Variants in TAFA2 observed in about 807,000 individuals in gnomAD.
TAFA2 encodes chemokine-like protein TAFA-2.
Under a neutral mutation model 18.8 loss-of-function variants are expected in TAFA2, and 7 were observed. That is an observed-to-expected ratio of 0.37 (90% CI 0.21 to 0.70). The LOEUF is 0.70. Ranked by LOEUF, TAFA2 falls within the 30% of genes least tolerant of loss-of-function variation. The pLI is 0.53. For synonymous variants in TAFA2, 60 were observed against 54.2 expected (o/e 1.11, Z -0.47); for missense variants, 122 against 158.1 (o/e 0.77, Z 1.23).
intron 1 of TAFA2, among the ~76,000 whole-genome samples, chr12:62,010,357 C>G (rs1880695819): frequency 6.6e-6 from 1 of 152,086 alleles, no homozygotes; most frequent in African/African-American, 2.4e-5. Flanking sequence ...AGGGTTTTGC[C>G]CTGTTGACCG....
intron 4 of TAFA2, 23 bp downstream of exon 4, chr12:61,753,599 T>C: frequency 6.2e-7 from 1 of 1,603,446 alleles, no homozygotes; most frequent in Middle Eastern, 1.7e-4. Context: ...CATTCTGTTT[T>C]CCCAAGCTTG....
intron 1 of TAFA2, among the ~76,000 whole-genome samples, chr12:62,110,616 T>C (rs926397470): frequency 6.7e-6 from 1 of 148,804 alleles, no homozygotes; most frequent in Non-Finnish European, 1.5e-5. Flanking sequence ...CCTGGGCTTT[T>C]TTTTTTTTTT....
At chr12:62,134,161 C>T (rs756566956) in intron 1 of TAFA2, among the ~76,000 whole-genome samples, 4 of 151,892 alleles carry the variant, frequency 2.6e-5, no homozygotes, top group Non-Finnish European at 5.9e-5. Flanking sequence ...GCTTCCTCCA[C>T]CAAGTCATCC....
At chr12:62,195,259 T>C (rs184302777), upstream of TAFA2, among the ~76,000 whole-genome samples, 1 of 152,334 alleles carries the variant, frequency 6.6e-6, no homozygotes, top group Admixed American at 6.5e-5. Flanking sequence ...ATCAGTCAGG[T>C]TTATAAAATA....
chr12:61,867,214 C>A (rs1393708836), intron 2 of TAFA2, 106 bp downstream of exon 2: 8 of 721,652 alleles, frequency 1.1e-5, no homozygotes, highest in Non-Finnish European at 1.9e-5. Context: ...GGGGGAGAAT[C>A]TATACCTAGT....
intron 1 of TAFA2, among the ~76,000 whole-genome samples, chr12:62,100,996 T>C (rs2028727): frequency 0.12 from 17,676 of 152,210 alleles, 1,141 homozygotes; most frequent in Non-Finnish European, 0.14. Context: ...AGAATAATGT[T>C]GAGTTTTGAT....
intron 1 of TAFA2, among the ~76,000 whole-genome samples, chr12:62,056,786 A>T (rs1882198247): frequency 6.6e-6 from 1 of 152,246 alleles, no homozygotes; most frequent in South Asian, 2.1e-4. Context: ...CACACCAACT[A>T]CTGCATTCAC....
chr12:62,168,973 T>C (rs76209657), intron 1 of TAFA2, among the ~76,000 whole-genome samples: 22 of 89,780 alleles, frequency 2.5e-4, no homozygotes, highest in Non-Finnish European at 4.3e-4. Context: ...CACACACACA[T>C]ATTTTTAAAA....
chr12:62,162,801 G>A (rs1164551978), intron 1 of TAFA2, among the ~76,000 whole-genome samples: 1 of 151,960 alleles, frequency 6.6e-6, no homozygotes, highest in Admixed American at 6.6e-5. Context: ...TCAATTAAAA[G>A]AACTCTATAT....
In TAFA2 at chr12:61,719,279, C is replaced by G. The variant is rs74838429; in HGVS notation, c.385-8862G>C. Among the ~76,000 whole-genome samples the G allele has an allele frequency of 5.4e-3, 823 of 152,266 alleles. 8 individuals carry two copies. The highest frequency in any genetic ancestry group is 0.019 in the African/African-American group (787 of 41,554). On this transcript the variant is annotated intron_variant, in intron 4 of 4. Transcript: ENST00000416284. ...TCACCAGGGTAGGAGGATAGAGGAG[C>G]CTGAATTCTGCTAAGGCATAGACAT...
At chr12:61,869,960 C>T (rs888220833) in intron 1 of TAFA2, among the ~76,000 whole-genome samples, 12 of 152,148 alleles carry the variant, frequency 7.9e-5, no homozygotes, top group African/African-American at 2.7e-4. Flanking sequence ...TTCTCCTTAG[C>T]ACATGGCCTC....
intron 1 of TAFA2, among the ~76,000 whole-genome samples, chr12:62,049,214 C>T (rs564632023): frequency 3.9e-5 from 6 of 152,244 alleles, no homozygotes; most frequent in African/African-American, 1.4e-4. Context: ...CTTCTCCACC[C>T]TCCATGGCAC....
intron 1 of TAFA2, among the ~76,000 whole-genome samples, chr12:62,159,259 A>C (rs1010672850): frequency 6.6e-6 from 1 of 152,204 alleles, no homozygotes; most frequent in Non-Finnish European, 1.5e-5. Context: ...AAACAAACAC[A>C]AGTAACTAGC....
intron 1 of TAFA2, among the ~76,000 whole-genome samples, chr12:62,122,358 G>T (rs1870237018): frequency 1.3e-5 from 2 of 152,218 alleles, no homozygotes; most frequent in East Asian, 3.9e-4. Context: ...ATAACGAAAA[G>T]CCTAATGGAA....
In TAFA2 at chr12:61,776,016, C is replaced by T. The variant is rs374826246; in HGVS notation, c.107-20992G>A. 29 of 352,464 alleles carry T rather than the reference C, an allele frequency of 8.2e-5. No individual in the cohort carries two copies. In the East Asian group the frequency reaches 1.0e-3, roughly 12 times the overall value. The allele number at this position is 352,464 out of a possible 1,614,324, so 21.8% of individuals were successfully genotyped here. ...AGTTGTTCCTTTGACCACACACATG[C>T]GAATCTATAAGAAAGGTGATATTGT... is the stretch of plus-strand genomic sequence containing the variant. On this transcript the variant is annotated intron_variant, in intron 2 of 4. Coordinates refer to ENST00000416284, the MANE Select transcript of TAFA2 (RefSeq NM_178539.5).
At chr12:61,872,197 G>C (rs967330590) in intron 1 of TAFA2, among the ~76,000 whole-genome samples, 1 of 152,170 alleles carries the variant, frequency 6.6e-6, no homozygotes, top group Non-Finnish European at 1.5e-5. Flanking sequence ...AAAGGAGATA[G>C]TATAAAGGAG....
intron 2 of TAFA2, among the ~76,000 whole-genome samples, chr12:61,790,928 C>T (rs1314272922): frequency 1.3e-5 from 2 of 151,684 alleles, no homozygotes; most frequent in African/African-American, 4.8e-5. Context: ...AGGGGAAAAC[C>T]TAGAGGCATC....
intron 1 of TAFA2, among the ~76,000 whole-genome samples, chr12:61,961,605 G>T (rs1315743053): frequency 1.3e-5 from 2 of 151,906 alleles, no homozygotes; most frequent in African/African-American, 4.8e-5. Flanking sequence ...GCTTAAAGAG[G>T]ATAAGTACCT....
At chr12:62,109,118 A>G (rs745353036) in intron 1 of TAFA2, among the ~76,000 whole-genome samples, 3 of 152,082 alleles carry the variant, frequency 2.0e-5, no homozygotes, top group Non-Finnish European at 4.4e-5. Flanking sequence ...TTTAGGTTTT[A>G]CGTTTAAGTC....
Sources: gnomAD v4.1 joint callset for allele counts (sites outside exome capture counted in the v4.1 genomes callset) on GRCh38, gnomAD v4.1.1 for gene constraint, MANE v1.5 for transcripts, NCBI Gene and HGNC (gene_info 2026-07-23, HGNC 2026-07-21) for gene names.